SLC23A2: variants seen among roughly 807,000 people sequenced by gnomAD.
The protein encoded by SLC23A2 is Na(+)/L-ascorbic acid transporter 2.
Under a neutral mutation model 73.3 loss-of-function variants are expected in SLC23A2, and 36 were observed. The ratio of observed to expected loss-of-function variants is 0.49; its 90% CI spans 0.38 to 0.65. SLC23A2 has a LOEUF of 0.65. SLC23A2 is among the 30% of genes least tolerant of loss of function. SLC23A2 has a pLI of 0.00. For synonymous variants in SLC23A2, 343 were observed against 327.3 expected, an observed-to-expected ratio of 1.05 and a Z score of -0.52; for missense variants, 507 against 841.6, an observed-to-expected ratio of 0.60 and a Z score of 4.92.
At chr20:4,906,065 T>C (rs1931941516) in intron 4 of SLC23A2, among the ~76,000 whole-genome samples, 2 of 152,342 alleles carry the variant, frequency 1.3e-5, no homozygotes, top group African/African-American at 4.8e-5. Context: ...TGGCCAGGCA[T>C]GGTGGCTCAT....
intron 1 of SLC23A2, among the ~76,000 whole-genome samples, chr20:4,974,478 A>T (rs530531470): frequency 6.6e-6 from 1 of 150,976 alleles, no homozygotes; most frequent in Admixed American, 6.6e-5. Context: ...AAAAAATAAA[A>T]AAAATAATAA....
rs924661982 is a variant in SLC23A2, at chr20:4,870,026, G to A, written c.1130C>T (p.Ala377Val). Residue 377 changes from alanine to valine, a missense_variant, in exon 12 of 17, where the codon GCG becomes GTG. Ala to Val is a moderately conservative substitution (Grantham distance 64). This residue lies in a region of SLC23A2 where 217 missense variants were observed against 398.0 expected (regional missense o/e 0.55). Coordinates refer to ENST00000338244, the MANE Select transcript of SLC23A2 (RefSeq NM_005116.6). The stretch of plus-strand genomic sequence containing the variant: ...ACTGAGCATGCCGATGACACCGGCC[G>A]CAGACACGGTGGGCAGTCCCCACTG... The part of the protein sequence containing the change: ...PFQWGLPTVS[A>V]AGVIGMLSAV... The A allele has an allele frequency of 5.6e-6, 9 of 1,611,194 alleles. No homozygotes were observed. Among genetic ancestry groups the A allele is most frequent in the African/African-American group, 2.7e-5 (2 of 74,824 alleles).
At chr20:4,950,740 C>T (rs1030261660) in intron 2 of SLC23A2, among the ~76,000 whole-genome samples, 6 of 152,110 alleles carry the variant, frequency 3.9e-5, no homozygotes, top group South Asian at 2.1e-4. Flanking sequence ...AAAGGGAACT[C>T]GAGGCTCAGA....
chr20:4,885,857 TG>T lies in SLC23A2; in HGVS notation c.534del (p.Ile179SerfsTer4). On this transcript the variant is annotated frameshift_variant, in exon 7 of 17. Transcript: ENST00000338244. LOFTEE classifies it high-confidence loss of function. ...SAFAFLAPAR[A>X]ILSLDKWKCN... ...CATTTCCATTTATCTAAAGACAGGA[TG>T]GCTCGAGCAGGGGCCAAAAATGCAA... The T allele has an allele frequency of 6.2e-7, 1 of 1,613,918 alleles. No homozygotes were observed. Among genetic ancestry groups the T allele is most frequent in the Non-Finnish European group, 8.5e-7 (1 of 1,179,866 alleles).
intron 6 of SLC23A2, among the ~76,000 whole-genome samples, chr20:4,895,679 C>A (rs1399025815): frequency 6.6e-6 from 1 of 152,140 alleles, no homozygotes; most frequent in African/African-American, 2.4e-5. Context: ...TATCTCTATC[C>A]TCAGAAATGT....
intron 3 of SLC23A2, among the ~76,000 whole-genome samples, chr20:4,929,076 T>A (rs1372645785): frequency 6.6e-6 from 1 of 151,778 alleles, no homozygotes; most frequent in Non-Finnish European, 1.5e-5. Context: ...CATGCAGAAA[T>A]GCCATCTCTA....
chr20:4,982,834 G>A (rs1300631602), intron 1 of SLC23A2, among the ~76,000 whole-genome samples: 1 of 152,124 alleles, frequency 6.6e-6, no homozygotes, highest in African/African-American at 2.4e-5. Context: ...GGCCAGGCAC[G>A]GTGGCTCACA....
chr20:4,913,815 CG>C (rs796074247), intron 3 of SLC23A2, among the ~76,000 whole-genome samples: 4 of 151,872 alleles, frequency 2.6e-5, no homozygotes, highest in African/African-American at 9.7e-5. Context: ...TTAGTAGAGA[CG>C]GGGTTTCACC....
intron 3 of SLC23A2, among the ~76,000 whole-genome samples, chr20:4,919,598 T>C (rs1932437394): frequency 6.6e-6 from 1 of 152,216 alleles, no homozygotes; most frequent in South Asian, 2.1e-4. Context: ...TGCTGGTGAC[T>C]GCTACTGTCT....
chr20:4,852,814 C>G lies in SLC23A2; in HGVS notation c.*4158G>C, dbSNP rs1600062814. ...TGTCCTAAGTGCCTGGAAACACGCA[C>G]AGCAATGCTAAGGACATGGGAGGGT... On this transcript the variant is annotated 3_prime_UTR_variant, in exon 17 of 17. Transcript: ENST00000338244. This position sits in a 1 kb window ranked among gnomAD's most constrained non-coding sequence, Gnocchi z 4.3. 1.3e-5 allele frequency: 2 copies of G among 152,660 alleles called. No homozygotes were observed. Among genetic ancestry groups the G allele is most frequent in the South Asian group, 4.1e-4 (2 of 4,830 alleles). 9.5% of individuals were successfully genotyped at this position (152,660 alleles called of 1,614,324 possible). A position where few individuals can be genotyped will look rare whatever the true frequency, so the allele number is the denominator to read the frequency against.
chr20:4,869,803 C>A, intron 12 of SLC23A2, 103 bp downstream of exon 12: 1 of 1,044,634 alleles, frequency 9.6e-7, no homozygotes, highest in Admixed American at 2.4e-5. Context: ...CTTGGCTGGG[C>A]TCCTGCTGAA....
At chr20:4,978,074 C>G (rs903619951) in intron 1 of SLC23A2, among the ~76,000 whole-genome samples, 6 of 152,098 alleles carry the variant, frequency 3.9e-5, no homozygotes, top group Admixed American at 3.9e-4. Flanking sequence ...CTAATTTACT[C>G]CCGTATTATA....
intron 2 of SLC23A2, among the ~76,000 whole-genome samples, chr20:4,934,133 G>A (rs1444509354): frequency 6.6e-6 from 1 of 152,160 alleles, no homozygotes; most frequent in Non-Finnish European, 1.5e-5. Context: ...CTTCCGGGGT[G>A]GTCGTTCTTG....
chr20:4,886,861 C>T lies in SLC23A2; in HGVS notation c.483-952G>A, dbSNP rs545310791. Among the ~76,000 whole-genome samples the T allele has an allele frequency of 1.4e-4, 22 of 152,244 alleles. No homozygotes were observed. In the East Asian group the frequency reaches 3.9e-3, roughly 27 times the overall value. ...AGAGCCTAGTCAGTGGCCTGGCCAG[C>T]GAGACAGGGACCCAGCATCCTTCCC... On this transcript the variant is annotated intron_variant, in intron 6 of 16. Coordinates refer to ENST00000338244, the MANE Select transcript of SLC23A2 (RefSeq NM_005116.6).
chr20:4,955,713 G>A (rs765899447), intron 2 of SLC23A2, among the ~76,000 whole-genome samples: 7 of 152,076 alleles, frequency 4.6e-5, no homozygotes, highest in Non-Finnish European at 1.0e-4. Flanking sequence ...TCGCTTGAGC[G>A]TGGAGGTCGA....
At chr20:5,006,699 C>T (rs1017014126) in intron 1 of SLC23A2, among the ~76,000 whole-genome samples, 5 of 151,838 alleles carry the variant, frequency 3.3e-5, no homozygotes, top group Admixed American at 6.6e-5. Context: ...TGCCACCACC[C>T]CCCACTAATT....
At chr20:4,997,700 C>T (rs1600218717) in intron 1 of SLC23A2, among the ~76,000 whole-genome samples, 2 of 152,328 alleles carry the variant, frequency 1.3e-5, no homozygotes, top group South Asian at 4.1e-4. Flanking sequence ...TCATGGCTCA[C>T]TGCAGCCTCA....
chr20:4,859,405 TA>T, intron 15 of SLC23A2, 21 bp from the exon 16 acceptor site: 1 of 1,537,126 alleles, frequency 6.5e-7, no homozygotes. Context: ...AACACAGCCA[TA>T]AACGATCAGT....
Position 4,988,406 on chromosome 20 carries a change from C to G in SLC23A2, c.-282+13000G>C, listed in dbSNP as rs562180653. Reference sequence around the variant, plus strand: ...TCACCTGAGGTCAGGAGTTCGAGATCAGCCTGGCCAACATGGTGAAACCCT... The same window carrying G: ...TCACCTGAGGTCAGGAGTTCGAGATGAGCCTGGCCAACATGGTGAAACCCT... On this transcript the variant is annotated intron_variant, in intron 1 of 16. Coordinates refer to ENST00000338244, the MANE Select transcript of SLC23A2 (RefSeq NM_005116.6). Among the ~76,000 whole-genome samples, 7 of 151,670 alleles carry G rather than the reference C, an allele frequency of 4.6e-5. No individual in the cohort carries two copies. The East Asian group carries it at 1.2e-3, about 25-fold the overall frequency.
Sources: allele counts gnomAD v4.1 joint callset (sites outside exome capture counted in the v4.1 genomes callset), GRCh38; gene constraint gnomAD v4.1.1; regional missense constraint gnomAD v4.1.1; non-coding constraint Gnocchi (gnomAD v3.1); transcripts MANE v1.5; gene names NCBI Gene and HGNC (gene_info 2026-07-23, HGNC 2026-07-21).